Variants in TPD52 observed in about 807,000 individuals in gnomAD.
The protein encoded by TPD52 is prostate and colon associated protein.
A neutral mutation model predicts 31.3 loss-of-function variants in TPD52; 17 were observed. The observed-to-expected ratio is 0.54, with a 90% CI of 0.37 to 0.82. The LOEUF is 0.82. Ranked by LOEUF, TPD52 falls within the 40% of genes least tolerant of loss-of-function variation. The probability of loss-of-function intolerance (pLI) is 0.00; values close to 1 mark genes in which losing one functional copy is unlikely to be tolerated. For missense variants in TPD52, 212 were observed against 240.1 expected (o/e 0.88, Z 0.77); for synonymous variants, 83 against 89.6 (o/e 0.93, Z 0.42).
chr8:80,121,862 G>A (rs555850882), intron 1 of TPD52, among the ~76,000 whole-genome samples: 2 of 151,956 alleles, frequency 1.3e-5, no homozygotes, highest in Non-Finnish European at 2.9e-5. Context: ...TTTTTTCATT[G>A]ATTTCCAGCT....
chr8:80,168,283 T>C lies in TPD52; in HGVS notation c.19+3142A>G, dbSNP rs543931826. ...TTTAAAAATTTACAGCTCTGTTAAG[T>C]ACAATCAGTAGCAAGAACAGATTTT... On this transcript the variant is annotated intron_variant, in intron 1 of 7. Coordinates refer to ENST00000518937, the MANE Select transcript of TPD52 (RefSeq NM_001025253.3). 3.9e-5 allele frequency among the ~76,000 whole-genome samples: 6 copies of C among 152,302 alleles called. No homozygotes were observed. In the South Asian group the frequency reaches 1.2e-3, roughly 32 times the overall value.
At chr8:80,117,537 A>G (rs537195849) in intron 1 of TPD52, among the ~76,000 whole-genome samples, 12 of 152,342 alleles carry the variant, frequency 7.9e-5, no homozygotes, top group African/African-American at 2.9e-4. Flanking sequence ...TGAAGACTTA[A>G]TATTGTGGAG....
intron 1 of TPD52, among the ~76,000 whole-genome samples, chr8:80,161,832 C>T (rs1008629646): frequency 2.0e-5 from 3 of 151,344 alleles, no homozygotes; most frequent in Non-Finnish European, 4.4e-5. Context: ...TGGGTTCAAG[C>T]GATTCTCTTG....
rs901122068 is a variant in TPD52, at chr8:80,171,504, G to T, written c.-61C>A. On this transcript the variant is annotated 5_prime_UTR_variant, in exon 1 of 8. Coordinates refer to ENST00000518937, the MANE Select transcript of TPD52 (RefSeq NM_001025253.3). ...CCCCGCCTGCAGCCCGTCCCGGCTC[G>T]GATCGCCCGCCGCGCCGCGCAGAGC... The T allele has an allele frequency of 2.0e-6, 3 of 1,514,882 alleles. No individual in the cohort carries two copies. The highest frequency in any genetic ancestry group is 4.2e-5 in the Admixed American group (2 of 47,626). The allele number at this position is 1,514,882 out of a possible 1,614,324, so 93.8% of individuals were successfully genotyped here.
chr8:80,153,185 G>T (rs1158741274), intron 1 of TPD52, among the ~76,000 whole-genome samples: 1 of 152,106 alleles, frequency 6.6e-6, no homozygotes, highest in Admixed American at 6.6e-5. Context: ...AAATGATAAA[G>T]AATTACTTCA....
chr8:80,056,353 G>T (rs1401310951), intron 2 of TPD52, among the ~76,000 whole-genome samples: 1 of 152,208 alleles, frequency 6.6e-6, no homozygotes, highest in Non-Finnish European at 1.5e-5. Flanking sequence ...AAAATTGTGG[G>T]TGTTAGAGGT....
intron 1 of TPD52, among the ~76,000 whole-genome samples, chr8:80,091,814 G>A (rs1449973656): frequency 6.6e-6 from 1 of 152,166 alleles, no homozygotes; most frequent in Non-Finnish European, 1.5e-5. Context: ...AGTCTGGGGT[G>A]GAGCCCAAGA....
intron 1 of TPD52, among the ~76,000 whole-genome samples, chr8:80,160,050 G>C (rs1811242317): frequency 6.6e-6 from 1 of 152,034 alleles, no homozygotes; most frequent in Non-Finnish European, 1.5e-5. Context: ...AATTAGCCAG[G>C]CATGGTGGTG....
At chr8:80,151,097 G>A (rs1586401028) in intron 1 of TPD52, among the ~76,000 whole-genome samples, 2 of 152,174 alleles carry the variant, frequency 1.3e-5, no homozygotes, top group East Asian at 1.9e-4. Flanking sequence ...TTCTCGTGCT[G>A]TTCTTGTGAT....
At chr8:80,059,006 G>A (rs1212926497) in intron 2 of TPD52, among the ~76,000 whole-genome samples, 1 of 152,142 alleles carries the variant, frequency 6.6e-6, no homozygotes, top group African/African-American at 2.4e-5. Context: ...CCCCAAATTA[G>A]TAGAAATACA....
chr8:80,045,462 A>G (rs1423445594), intron 5 of TPD52, among the ~76,000 whole-genome samples: 1 of 152,242 alleles, frequency 6.6e-6, no homozygotes, highest in Non-Finnish European at 1.5e-5. Flanking sequence ...TGAAGGAGTG[A>G]AGACAATTAA....
intron 1 of TPD52, among the ~76,000 whole-genome samples, chr8:80,077,197 C>T (rs922275483): frequency 1.3e-5 from 2 of 151,546 alleles, no homozygotes; most frequent in African/African-American, 2.4e-5. Context: ...ATCGCTTAAA[C>T]CCGGGAAGCA....
chr8:80,093,995 A>C (rs994693502), intron 1 of TPD52, among the ~76,000 whole-genome samples: 43 of 152,172 alleles, frequency 2.8e-4, no homozygotes, highest in African/African-American at 9.9e-4. Context: ...GATTTTTTTT[A>C]ACATCTGACC....
chr8:80,155,101 G>A (rs1477054426), intron 1 of TPD52, among the ~76,000 whole-genome samples: 7 of 151,554 alleles, frequency 4.6e-5, no homozygotes, highest in East Asian at 1.9e-4. Flanking sequence ...GGGCTCAAGC[G>A]ATCCTCCTGC....
At chr8:80,135,260 A>C (rs1038976254) in intron 1 of TPD52, among the ~76,000 whole-genome samples, 6 of 152,218 alleles carry the variant, frequency 3.9e-5, no homozygotes, top group Non-Finnish European at 7.3e-5. Context: ...CCTTATTTAG[A>C]ACATTTGAAA....
intron 1 of TPD52, among the ~76,000 whole-genome samples, chr8:80,097,760 C>T (rs994066139): frequency 2.6e-5 from 4 of 152,180 alleles, no homozygotes; most frequent in South Asian, 2.1e-4. Context: ...CAAACTAAAA[C>T]GGTAGCTACA....
At chr8:80,047,010 G>C (rs951070874) in intron 5 of TPD52, among the ~76,000 whole-genome samples, 1 of 152,144 alleles carries the variant, frequency 6.6e-6, no homozygotes, top group Non-Finnish European at 1.5e-5. Flanking sequence ...TATATACCAC[G>C]TATGCTTTTC....
chr8:80,097,227 CAGA>C (rs1394862085), intron 1 of TPD52, among the ~76,000 whole-genome samples: 1 of 152,090 alleles, frequency 6.6e-6, no homozygotes, highest in Non-Finnish European at 1.5e-5. Flanking sequence ...GAGGAAGCTG[CAGA>C]AGAAGTCTGA....
chr8:80,157,000 C>A (rs1054875986), intron 1 of TPD52, among the ~76,000 whole-genome samples: 1 of 151,932 alleles, frequency 6.6e-6, no homozygotes, highest in Admixed American at 6.6e-5. Flanking sequence ...CTGCTCTTTG[C>A]CAAAATGGAG....
Sources: gnomAD v4.1 joint callset for allele counts (sites outside exome capture counted in the v4.1 genomes callset) on GRCh38, gnomAD v4.1.1 for gene constraint, MANE v1.5 for transcripts, NCBI Gene and HGNC (gene_info 2026-07-23, HGNC 2026-07-21) for gene names.